PTGER4: variants seen among roughly 807,000 people sequenced by gnomAD.
PTGER4 encodes the protein prostaglandin E2 receptor EP4 subtype.
In PTGER4, 11 loss-of-function variants were observed where a neutral mutation model predicts 33.2. The observed-to-expected ratio is 0.33, with a 90% CI of 0.21 to 0.55. The LOEUF is 0.55. Ranked by LOEUF, PTGER4 falls within the 20% of genes least tolerant of loss-of-function variation. The pLI is 0.92. For missense variants in PTGER4, 481 were observed against 650.2 expected (o/e 0.74, Z 2.83); for synonymous variants, 275 against 281.5 (o/e 0.98, Z 0.23).
At chr5:40,703,349 AACT>A in the PTGER4 span, among the ~76,000 whole-genome samples, 1 of 152,210 alleles carries the variant, frequency 6.6e-6, no homozygotes, top group African/African-American at 2.4e-5. Flanking sequence ...AACCATCAGA[AACT>A]ACTATGAACA....
At chr5:40,705,362 T>C in the PTGER4 span, among the ~76,000 whole-genome samples, 1 of 152,128 alleles carries the variant, frequency 6.6e-6, no homozygotes, top group Admixed American at 6.5e-5. Flanking sequence ...AACTCAAAAC[T>C]ATAAATACCC....
the PTGER4 span, among the ~76,000 whole-genome samples, chr5:40,745,950 GC>G: frequency 6.6e-6 from 1 of 151,914 alleles, no homozygotes; most frequent in African/African-American, 2.4e-5. Flanking sequence ...AATAAAAAAG[GC>G]CTTTTCCACC....
At chr5:40,697,232 AAGAAAGAAAGAAAG>A (rs1205960980), downstream of PTGER4, among the ~76,000 whole-genome samples, 2 of 44,936 alleles carry the variant, frequency 4.5e-5, no homozygotes, top group Non-Finnish European at 1.0e-4. Flanking sequence ...GAAGAAAAGA[AAGAAAGAAAGAAAG>A]AAAGAAAGAA....
chr5:40,717,153 C>T, the PTGER4 span, among the ~76,000 whole-genome samples: 4 of 144,104 alleles, frequency 2.8e-5, no homozygotes, highest in South Asian at 2.2e-4. Context: ...CGCTTGAACC[C>T]GGGAGACAGA....
rs540296549 is a variant in PTGER4, at chr5:40,691,402, A to T, written c.868-377A>T. On this transcript the variant is annotated intron_variant, in intron 2 of 2. Coordinates refer to ENST00000302472, the MANE Select transcript of PTGER4 (RefSeq NM_000958.3). This position sits in a 1 kb window ranked among gnomAD's most constrained non-coding sequence, Gnocchi z 4.2. ...TCACCATGTTGGCCAGGAGGTTCTC[A>T]ATCTCTTGACCTAGTGATCCGCCTA... Among the ~76,000 whole-genome samples, 93 of 152,252 alleles carry T rather than the reference A, an allele frequency of 6.1e-4. No individual in the cohort carries two copies. Among genetic ancestry groups the T allele is most frequent in the African/African-American group, 2.1e-3 (87 of 41,546 alleles).
At chr5:40,741,937 C>T in the PTGER4 span, among the ~76,000 whole-genome samples, 5 of 151,802 alleles carry the variant, frequency 3.3e-5, no homozygotes, top group Non-Finnish European at 7.4e-5. Flanking sequence ...TACAGTGAGC[C>T]GAGATCATGC....
downstream of PTGER4, chr5:40,696,556 T>C (rs1741587299): frequency 5.0e-6 from 3 of 602,022 alleles, no homozygotes; most frequent in Non-Finnish European, 6.3e-6. Flanking sequence ...TGGAAGTACC[T>C]TGGCAGAAAG....
At chr5:40,702,021 A>G in the PTGER4 span, among the ~76,000 whole-genome samples, 8 of 152,242 alleles carry the variant, frequency 5.3e-5, no homozygotes, top group Non-Finnish European at 1.0e-4. Context: ...ACAAGAGATC[A>G]TGAAAAGGAA....
the PTGER4 span, among the ~76,000 whole-genome samples, chr5:40,723,912 G>A: frequency 2.0e-5 from 3 of 152,108 alleles, no homozygotes; most frequent in African/African-American, 7.2e-5. Context: ...GTGAGGTTAT[G>A]GAGAAACTGG....
At chr5:40,732,832 T>C in the PTGER4 span, among the ~76,000 whole-genome samples, 1 of 152,120 alleles carries the variant, frequency 6.6e-6, no homozygotes, top group South Asian at 2.1e-4. Flanking sequence ...GGTCTTGAAC[T>C]CTTGACCTCA....
the PTGER4 span, among the ~76,000 whole-genome samples, chr5:40,718,713 G>C: frequency 6.6e-6 from 1 of 151,934 alleles, no homozygotes; most frequent in African/African-American, 2.4e-5. Context: ...ACTTCAGCCT[G>C]GGCGACAGAG....
At chr5:40,716,407 T>G in the PTGER4 span, 2 of 1,613,886 alleles carry the variant, frequency 1.2e-6, no homozygotes, top group Non-Finnish European at 1.7e-6. Flanking sequence ...CTTCTGCTGC[T>G]CCTGGAGCGT....
chr5:40,730,203 C>T, the PTGER4 span: 3 of 1,337,830 alleles, frequency 2.2e-6, no homozygotes, highest in Non-Finnish European at 3.1e-6. Flanking sequence ...TCATTGCTCA[C>T]TCACCGAACA....
chr5:40,709,383 C>T, the PTGER4 span, among the ~76,000 whole-genome samples: 1 of 152,126 alleles, frequency 6.6e-6, no homozygotes, highest in Non-Finnish European at 1.5e-5. Context: ...TTCTTATACA[C>T]CAATAACAGA....
downstream of PTGER4, among the ~76,000 whole-genome samples, chr5:40,697,096 GAAAAGAAAGAAAGGAAAGAA>G (rs1390405697): frequency 4.7e-5 from 2 of 42,410 alleles, no homozygotes; most frequent in Non-Finnish European, 9.2e-5. Flanking sequence ...GAAAGAAAGA[GAAAAGAAAGAAAGGAAAGAA>G]AAAAGAAAGA....
At chr5:40,708,438 T>C in the PTGER4 span, among the ~76,000 whole-genome samples, 1 of 152,116 alleles carries the variant, frequency 6.6e-6, no homozygotes, top group African/African-American at 2.4e-5. Context: ...CTAGAAGAAA[T>C]GGATAAATTC....
At chr5:40,700,969 C>T in the PTGER4 span, among the ~76,000 whole-genome samples, 1 of 152,196 alleles carries the variant, frequency 6.6e-6, no homozygotes, top group Non-Finnish European at 1.5e-5. Flanking sequence ...CAAGAAGTCA[C>T]TTTCAAATAA....
chr5:40,704,521 A>C, the PTGER4 span, among the ~76,000 whole-genome samples: 1 of 152,230 alleles, frequency 6.6e-6, no homozygotes, highest in Non-Finnish European at 1.5e-5. Flanking sequence ...AGGGCATCCA[A>C]ATAGGAAGAG....
At chr5:40,708,602 T>A in the PTGER4 span, among the ~76,000 whole-genome samples, 1 of 152,060 alleles carries the variant, frequency 6.6e-6, no homozygotes, top group African/African-American at 2.4e-5. Context: ...CTACCAGAGG[T>A]ACAAGGAGGA....
Sources: gnomAD v4.1 joint callset for allele counts (sites outside exome capture counted in the v4.1 genomes callset) on GRCh38, gnomAD v4.1.1 for gene constraint, Gnocchi (gnomAD v3.1) non-coding constraint, MANE v1.5 for transcripts, NCBI Gene and HGNC (gene_info 2026-07-23, HGNC 2026-07-21) for gene names.